Variants in CFAP20DC observed in about 807,000 individuals in gnomAD.
The protein encoded by CFAP20DC is CFAP20 domain containing.
A neutral mutation model predicts 101.7 loss-of-function variants in CFAP20DC; 84 were observed. That is an observed-to-expected ratio of 0.83 (90% confidence interval 0.69 to 0.99). The LOEUF (loss-of-function observed/expected upper bound fraction) is 0.99, where lower values mean the gene tolerates loss of function less well. Among genes scored for constraint, CFAP20DC ranks in the 50% least tolerant of loss-of-function variants. The pLI is 0.00. For synonymous variants in CFAP20DC, 359 were observed against 351.2 expected, an observed-to-expected ratio of 1.02 and a Z score of -0.25; for missense variants, 1,007 against 970.3, an observed-to-expected ratio of 1.04 and a Z score of -0.50.
rs145776588 is a variant in CFAP20DC at position 58,831,673 on chromosome 3, G to T, written c.2175+13C>A. 1 of 1,611,870 alleles carries T rather than the reference G, an allele frequency of 6.2e-7. No individual in the cohort carries two copies. The highest frequency in any genetic ancestry group is 1.1e-5 in the South Asian group (1 of 91,006). The stretch of plus-strand genomic sequence containing the variant: ...TTAAGCAATGAGAGGAAGCTGCAAA[G>T]CCAGGGACTCACGGGTGGCAGGCAG... On this transcript the variant is annotated intron_variant, in intron 14 of 16. Coordinates refer to ENST00000482387, the MANE Select transcript of CFAP20DC (RefSeq NM_001394063.1).
intron 14 of CFAP20DC, among the ~76,000 whole-genome samples, chr3:58,824,754 G>A (rs951725814): frequency 5.3e-5 from 8 of 152,010 alleles, no homozygotes; most frequent in African/African-American, 1.7e-4. Flanking sequence ...CCATGTTGAT[G>A]GATGCATGCA....
At chr3:58,993,587 T>C (rs2093011494) in intron 4 of CFAP20DC, among the ~76,000 whole-genome samples, 1 of 152,072 alleles carries the variant, frequency 6.6e-6, no homozygotes. Flanking sequence ...CCTCCTCCCA[T>C]TCCCCATCCT....
intron 4 of CFAP20DC, among the ~76,000 whole-genome samples, chr3:58,993,712 C>T (rs1202590832): frequency 2.0e-5 from 3 of 151,984 alleles, no homozygotes; most frequent in Admixed American, 6.6e-5. Flanking sequence ...ATTAGTTTGC[C>T]GAGGATAATG....
intron 12 of CFAP20DC, among the ~76,000 whole-genome samples, chr3:58,853,156 C>T (rs2078417206): frequency 6.6e-6 from 1 of 152,096 alleles, no homozygotes; most frequent in African/African-American, 2.4e-5. Flanking sequence ...GGGGATATCA[C>T]CACTGATCCC....
Position 59,039,593 on chromosome 3 carries a change from T to C in CFAP20DC, c.242A>G (p.Tyr81Cys), listed in dbSNP as rs1354283390. The C allele has an allele frequency of 6.5e-7, 1 of 1,528,074 alleles. No individual in the cohort carries two copies. Among genetic ancestry groups the C allele is most frequent in the South Asian group, 1.2e-5 (1 of 83,048 alleles). 94.7% of individuals were successfully genotyped at this position (1,528,074 alleles called of 1,614,324 possible). ...GGAGAAGTCTTGTCCCAGGGGTACG[T>C]AAATCTGAAGTACAAGAAACCTCTG... is the stretch of plus-strand genomic sequence containing the variant. ...LIQRFLVLQI[Y>C]VPLGQDFSTE... The change falls in exon 4 of 17, where the codon TAC becomes TGC. Residue 81 changes from tyrosine (Y) to cysteine (C), a missense_variant. Tyr to Cys is a radical substitution (Grantham distance 194, BLOSUM62 -2). Coordinates refer to ENST00000482387, the MANE Select transcript of CFAP20DC (RefSeq NM_001394063.1).
At chr3:58,893,047 T>G (rs1358069909) in intron 6 of CFAP20DC, among the ~76,000 whole-genome samples, 5 of 151,350 alleles carry the variant, frequency 3.3e-5, no homozygotes, top group Non-Finnish European at 7.4e-5. Flanking sequence ...TGAAGGATTT[T>G]TTTTTTTTTT....
chr3:58,977,852 C>T (rs1035361222), intron 4 of CFAP20DC, among the ~76,000 whole-genome samples: 19 of 152,170 alleles, frequency 1.2e-4, no homozygotes, highest in African/African-American at 3.9e-4. Context: ...TGTCTCTCCC[C>T]ACTCTACCCT....
intron 15 of CFAP20DC, among the ~76,000 whole-genome samples, chr3:58,756,046 T>C (rs1218047850): frequency 6.6e-6 from 1 of 152,210 alleles, no homozygotes; most frequent in Non-Finnish European, 1.5e-5. Context: ...TGCTTACATT[T>C]TGTCTATGGC....
chr3:59,021,690 A>G (rs1362525310), intron 4 of CFAP20DC, among the ~76,000 whole-genome samples: 2 of 152,108 alleles, frequency 1.3e-5, no homozygotes, highest in East Asian at 1.9e-4. Context: ...ACTGGCAGCC[A>G]TTATTGTCCA....
At chr3:58,820,852 A>G (rs2075580830) in intron 14 of CFAP20DC, among the ~76,000 whole-genome samples, 1 of 148,914 alleles carries the variant, frequency 6.7e-6, no homozygotes, top group Non-Finnish European at 1.5e-5. Context: ...CCTAAGCCAA[A>G]AGAAGAAAGC....
intron 14 of CFAP20DC, among the ~76,000 whole-genome samples, chr3:58,809,848 C>T (rs1224729910): frequency 1.3e-5 from 2 of 151,988 alleles, no homozygotes; most frequent in South Asian, 4.1e-4. Context: ...CAAATAGACA[C>T]AATAAAAAAT....
At chr3:58,891,607 T>C (rs2082269082) in intron 6 of CFAP20DC, among the ~76,000 whole-genome samples, 1 of 152,222 alleles carries the variant, frequency 6.6e-6, no homozygotes, top group Non-Finnish European at 1.5e-5. Flanking sequence ...TACGGCTTCT[T>C]TTGAGAAGTG....
chr3:58,849,610 T>C (rs2078042673), intron 12 of CFAP20DC, among the ~76,000 whole-genome samples: 1 of 152,320 alleles, frequency 6.6e-6, no homozygotes, highest in Admixed American at 6.5e-5. Flanking sequence ...TGCTAAAATG[T>C]CCTGCTATAC....
chr3:58,744,369 C>T (rs1054252673), intron 16 of CFAP20DC, among the ~76,000 whole-genome samples: 6 of 152,104 alleles, frequency 3.9e-5, no homozygotes, highest in Non-Finnish European at 8.8e-5. Flanking sequence ...CCAGTCTATT[C>T]AGTCGGACCT....
chr3:59,036,065 A>T (rs1002181069), intron 4 of CFAP20DC, among the ~76,000 whole-genome samples: 1 of 152,372 alleles, frequency 6.6e-6, no homozygotes, highest in Non-Finnish European at 1.5e-5. Context: ...TGATCTCAAC[A>T]GATGCAGAAA....
At chr3:58,835,823 TAA>T (rs2076699657) in intron 13 of CFAP20DC, among the ~76,000 whole-genome samples, 1 of 152,206 alleles carries the variant, frequency 6.6e-6, no homozygotes, top group African/African-American at 2.4e-5. Context: ...AGCTTTGCAA[TAA>T]AGTCTTTGCA....
chr3:58,755,661 A>G (rs1195193200), intron 15 of CFAP20DC, among the ~76,000 whole-genome samples: 1 of 152,214 alleles, frequency 6.6e-6, no homozygotes, highest in Admixed American at 6.5e-5. Flanking sequence ...TATGAAAAAT[A>G]CAGGGCTCTT....
intron 5 of CFAP20DC, among the ~76,000 whole-genome samples, chr3:58,929,388 T>C (rs140147367): frequency 6.6e-6 from 1 of 152,324 alleles, no homozygotes; most frequent in East Asian, 1.9e-4. Flanking sequence ...CTGAATAGTG[T>C]ATTTATCTCA....
intron 4 of CFAP20DC, among the ~76,000 whole-genome samples, chr3:58,981,052 T>C (rs1427374807): frequency 1.3e-5 from 2 of 152,112 alleles, no homozygotes; most frequent in African/African-American, 4.8e-5. Flanking sequence ...AGCATCCTTA[T>C]ACACCAATAA....
Sources: allele counts gnomAD v4.1 joint callset (sites outside exome capture counted in the v4.1 genomes callset), GRCh38; gene constraint gnomAD v4.1.1; transcripts MANE v1.5; gene names NCBI Gene and HGNC (gene_info 2026-07-23, HGNC 2026-07-21).